SHC3: variants seen among roughly 807,000 people sequenced by gnomAD.
SHC3 encodes the protein SHC adaptor protein 3.
SHC3 carries 15 observed loss-of-function variants against 60.4 expected under a neutral mutation model. The ratio of observed to expected loss-of-function variants is 0.25; its 90% confidence interval spans 0.17 to 0.38. The LOEUF is 0.38. Among genes scored for constraint, SHC3 ranks in the 10% least tolerant of loss-of-function variants. SHC3 has a pLI of 1.00. For synonymous variants in SHC3, 294 were observed against 325.9 expected (o/e 0.90, Z 1.05); for missense variants, 677 against 786.1 (o/e 0.86, Z 1.66).
intron 2 of SHC3, among the ~76,000 whole-genome samples, chr9:89,089,289 A>G (rs1825582862): frequency 6.6e-6 from 1 of 152,256 alleles, no homozygotes; most frequent in African/African-American, 2.4e-5. Flanking sequence ...AAGAAAGAGG[A>G]AACCTTAGAA....
Position 89,178,233 on chromosome 9 carries a change from G to C in SHC3, c.228C>G (p.Leu76=), listed in dbSNP as rs1002589577. The C allele has an allele frequency of 2.0e-6, 3 of 1,499,886 alleles. No homozygotes were observed. In the Admixed American group the frequency reaches 6.7e-5, roughly 33 times the overall value. The allele number at this position is 1,499,886 out of a possible 1,614,324, so 92.9% of individuals were successfully genotyped here. The change falls in exon 1 of 12, where the codon CTC becomes CTG. Residue 76 remains leucine (L), a synonymous_variant. Transcript: ENST00000375835. The surrounding 1 kb of genome is among the most constrained non-coding windows in gnomAD (Gnocchi z 6.9). ...HLLHKVSHLK[L]SSSGLRGLSS... is the part of the protein sequence containing the mutation. ...ACAGGCCGCGGAGGCCCGAGCTGGA[G>C]AGTTTCAGGTGGGACACCTTGTGGA... is the stretch of plus-strand genomic sequence containing the variant.
intron 1 of SHC3, among the ~76,000 whole-genome samples, chr9:89,176,956 C>T (rs776845100): frequency 1.2e-4 from 18 of 152,352 alleles, no homozygotes; most frequent in Middle Eastern, 6.8e-3. Context: ...ATTTACGGAA[C>T]AGACATCCTG....
chr9:89,084,996 T>A (rs1224636419), intron 2 of SHC3, among the ~76,000 whole-genome samples: 1 of 152,244 alleles, frequency 6.6e-6, no homozygotes, highest in Non-Finnish European at 1.5e-5. Flanking sequence ...TAGGAATTAC[T>A]TATCTTTTGG....
chr9:89,046,732 T>A, intron 8 of SHC3, 112 bp downstream of exon 8: 1 of 1,241,766 alleles, frequency 8.1e-7, no homozygotes, highest in African/African-American at 1.5e-5. Flanking sequence ...CATGATTTAC[T>A]GTGTCAAAAA....
chr9:89,121,034 G>T (rs916189352), intron 1 of SHC3, among the ~76,000 whole-genome samples: 1 of 152,014 alleles, frequency 6.6e-6, no homozygotes, highest in Non-Finnish European at 1.5e-5. Flanking sequence ...AATAACATAC[G>T]TATTTTTGCA....
chr9:89,060,588 G>T (rs1480100247), intron 6 of SHC3, among the ~76,000 whole-genome samples: 1 of 152,030 alleles, frequency 6.6e-6, no homozygotes, highest in African/African-American at 2.4e-5. Context: ...AGCTGGAGTG[G>T]CAGGGAGAGG....
intron 6 of SHC3, among the ~76,000 whole-genome samples, chr9:89,053,418 C>A (rs1198071660): frequency 6.6e-6 from 1 of 152,222 alleles, no homozygotes; most frequent in Non-Finnish European, 1.5e-5. Context: ...AGGGAGGGGA[C>A]AGAGAGACAG....
At chr9:89,013,877 A>G (rs984393077) in intron 11 of SHC3, among the ~76,000 whole-genome samples, 21 of 152,090 alleles carry the variant, frequency 1.4e-4, no homozygotes, top group African/African-American at 4.6e-4. Context: ...ACCTTCACCA[A>G]CCAAGGTCAC....
Position 89,178,480 on chromosome 9 carries a change from G to C in SHC3, c.-20C>G, listed in dbSNP as rs767867463. 1 of 1,423,972 alleles carries C rather than the reference G, an allele frequency of 7.0e-7. No homozygotes were observed. Among genetic ancestry groups the C allele is most frequent in the African/African-American group, 1.5e-5 (1 of 67,594 alleles). The allele number at this position is 1,423,972 out of a possible 1,614,324, so 88.2% of individuals were successfully genotyped here. ...AAGCATGCCCCTCCGTGGGCTCGCT[G>C]CATCCGCCCGGGCGCTGCTGGTGCC... On this transcript the variant is annotated 5_prime_UTR_variant, in exon 1 of 12. Coordinates refer to ENST00000375835, the MANE Select transcript of SHC3 (RefSeq NM_016848.6). The surrounding 1 kb of genome is among the most constrained non-coding windows in gnomAD (Gnocchi z 6.9).
At chr9:89,128,275 T>C (rs528255896) in intron 1 of SHC3, among the ~76,000 whole-genome samples, 1 of 152,316 alleles carries the variant, frequency 6.6e-6, no homozygotes, top group Admixed American at 6.5e-5. Flanking sequence ...AGTCAGATAT[T>C]AGGTTTGCTA....
chr9:89,139,298 G>A (rs966119236), intron 1 of SHC3, among the ~76,000 whole-genome samples: 3 of 152,166 alleles, frequency 2.0e-5, no homozygotes, highest in East Asian at 1.9e-4. Context: ...CTAATAACAA[G>A]TGTACCATAG....
At chr9:89,053,192 G>A (rs375936001) in intron 6 of SHC3, among the ~76,000 whole-genome samples, 40 of 152,324 alleles carry the variant, frequency 2.6e-4, no homozygotes, top group African/African-American at 8.2e-4. Flanking sequence ...GAATTCCTGG[G>A]AAGGATGACA....
At chr9:89,054,579 G>A (rs1824917996) in intron 6 of SHC3, among the ~76,000 whole-genome samples, 1 of 152,136 alleles carries the variant, frequency 6.6e-6, no homozygotes. Flanking sequence ...AAATAATGAG[G>A]CCTTCCCCAA....
At chr9:89,138,585 A>G (rs568966357) in intron 1 of SHC3, among the ~76,000 whole-genome samples, 7 of 152,140 alleles carry the variant, frequency 4.6e-5, no homozygotes, top group Non-Finnish European at 1.0e-4. Flanking sequence ...TCTTGTGCCA[A>G]ACTCCTGTCT....
At chr9:89,077,330 C>T (rs1825375348) in intron 3 of SHC3, among the ~76,000 whole-genome samples, 1 of 152,294 alleles carries the variant, frequency 6.6e-6, no homozygotes, top group Non-Finnish European at 1.5e-5. Flanking sequence ...CCATGAGCTA[C>T]TACATATCTC....
At chr9:89,177,406 G>A (rs1366339731) in intron 1 of SHC3, among the ~76,000 whole-genome samples, 1 of 152,162 alleles carries the variant, frequency 6.6e-6, no homozygotes, top group Non-Finnish European at 1.5e-5. Context: ...CTTTCCTTAG[G>A]GAATGAAAGA....
intron 1 of SHC3, among the ~76,000 whole-genome samples, chr9:89,147,120 A>G (rs2118205227): frequency 6.6e-6 from 1 of 152,156 alleles, no homozygotes; most frequent in East Asian, 1.9e-4. Flanking sequence ...ATGAGAATAG[A>G]AGAGCCTCAA....
intron 11 of SHC3, 100 bp downstream of exon 11, chr9:89,037,893 A>C (rs924004607): frequency 9.0e-6 from 13 of 1,438,616 alleles, no homozygotes; most frequent in Non-Finnish European, 9.4e-6. Context: ...GCACTTGTGG[A>C]TAGAGGTGGG....
chr9:89,026,808 C>T (rs1396218250), intron 11 of SHC3, among the ~76,000 whole-genome samples: 1 of 152,194 alleles, frequency 6.6e-6, no homozygotes, highest in African/African-American at 2.4e-5. Context: ...ACCTTGAATC[C>T]CTGCACACCT....
Sources: gnomAD v4.1 joint callset for allele counts (sites outside exome capture counted in the v4.1 genomes callset) on GRCh38, gnomAD v4.1.1 for gene constraint, Gnocchi (gnomAD v3.1) non-coding constraint, MANE v1.5 for transcripts, NCBI Gene and HGNC (gene_info 2026-07-23, HGNC 2026-07-21) for gene names.